The following ARID4B variants were observed in gnomAD, a reference collection of about 807,000 sequenced individuals.
ARID4B encodes AT-rich interaction domain 4B, also known as AT-rich interactive domain-containing protein 4B.
In ARID4B, 26 loss-of-function variants were observed where a neutral mutation model predicts 147.5. That is an observed-to-expected ratio of 0.18 (90% CI 0.13 to 0.24). ARID4B has a LOEUF of 0.24. Among genes scored for constraint, ARID4B ranks in the 10% least tolerant of loss-of-function variants. The pLI is 1.00. For missense variants in ARID4B, 1,179 were observed against 1,511.5 expected (o/e 0.78, Z 3.65); for synonymous variants, 512 against 507.9 (o/e 1.01, Z -0.11).
chr1:235,215,540 C>T (rs866554374), intron 16 of ARID4B, among the ~76,000 whole-genome samples: 3 of 118,568 alleles, frequency 2.5e-5, no homozygotes, highest in Non-Finnish European at 3.8e-5. Context: ...ACCATGCACA[C>T]ATATATATGT....
chr1:235,255,273 C>CTATCTA (rs1669905018), intron 5 of ARID4B, among the ~76,000 whole-genome samples: 1 of 127,674 alleles, frequency 7.8e-6, no homozygotes, highest in African/African-American at 3.1e-5. Context: ...ATATATATCT[C>CTATCTA]TCTCTCTCTC....
chr1:235,216,948 A>C (rs1198564159), intron 16 of ARID4B, among the ~76,000 whole-genome samples: 2 of 152,118 alleles, frequency 1.3e-5, no homozygotes, highest in East Asian at 3.8e-4. Flanking sequence ...TCAAAATTCT[A>C]AATTTTTTGA....
intron 8 of ARID4B, among the ~76,000 whole-genome samples, chr1:235,239,610 CAG>C (rs1345213102): frequency 6.6e-6 from 1 of 152,022 alleles, no homozygotes; most frequent in Non-Finnish European, 1.5e-5. Flanking sequence ...TTACGAAAAA[CAG>C]AGAGATAAAA....
chr1:235,185,838 T>C (rs1216624504), intron 19 of ARID4B, among the ~76,000 whole-genome samples: 2 of 152,202 alleles, frequency 1.3e-5, no homozygotes, highest in African/African-American at 4.8e-5. Context: ...TTTGTGGTGA[T>C]TTTTTCATTC....
At chr1:235,185,179 A>G (rs1047400899) in intron 19 of ARID4B, among the ~76,000 whole-genome samples, 6 of 152,112 alleles carry the variant, frequency 3.9e-5, no homozygotes, top group Non-Finnish European at 7.4e-5. Flanking sequence ...ATCAACACCC[A>G]TATCTCCCCT....
At chr1:235,201,297 C>G (rs1043048574) in intron 17 of ARID4B, among the ~76,000 whole-genome samples, 2 of 151,916 alleles carry the variant, frequency 1.3e-5, no homozygotes, top group Admixed American at 6.6e-5. Flanking sequence ...TATTCATCCC[C>G]GAAAGTACAT....
chr1:235,198,587 T>C (rs1665660504), intron 17 of ARID4B, among the ~76,000 whole-genome samples: 1 of 152,212 alleles, frequency 6.6e-6, no homozygotes, highest in African/African-American at 2.4e-5. Context: ...GTAAATCCTA[T>C]ATGGTAATCA....
intron 2 of ARID4B, among the ~76,000 whole-genome samples, chr1:235,323,238 A>G (rs1358313824): frequency 6.6e-6 from 1 of 151,682 alleles, no homozygotes; most frequent in African/African-American, 2.4e-5. Flanking sequence ...CGGGGTTTTC[A>G]TCACTTTGGC....
chr1:235,277,549 A>T (rs7538118), intron 2 of ARID4B, among the ~76,000 whole-genome samples: 13,859 of 144,062 alleles, frequency 0.096, 1,061 homozygotes, highest in African/African-American at 0.19. Context: ...AAAAAAAAAA[A>T]AATAATAATA....
chr1:235,200,000 A>AG lies in ARID4B; in HGVS notation c.1842-3886dup, dbSNP rs547616178. Among the ~76,000 whole-genome samples the AG allele has an allele frequency of 2.9e-4, 41 of 142,348 alleles. 1 individual carries two copies. The South Asian group carries it at 7.5e-3, about 26-fold the overall frequency. The allele number at this position is 142,348 out of a possible 152,430, so 93.4% of individuals were successfully genotyped here. A position where few individuals can be genotyped will look rare whatever the true frequency, so the allele number is the denominator to read the frequency against. Reference sequence around the variant, plus strand: ...TCTCTACAGGATATTTTCAAAGAATAGGGAAAAAAAAAAAAAAAAGCAAAT... The same window carrying AG: ...TCTCTACAGGATATTTTCAAAGAATAGGGGAAAAAAAAAAAAAAAAGCAAAT... On this transcript the variant is annotated intron_variant, in intron 17 of 23. Coordinates refer to ENST00000264183, the MANE Select transcript of ARID4B (RefSeq NM_016374.6).
At chr1:235,275,358 G>C (rs1671252909) in intron 2 of ARID4B, among the ~76,000 whole-genome samples, 1 of 152,230 alleles carries the variant, frequency 6.6e-6, no homozygotes, top group Non-Finnish European at 1.5e-5. Flanking sequence ...GAGAAAGGAT[G>C]TGATGCAGCC....
intron 22 of ARID4B, 141 bp downstream of exon 22, chr1:235,175,043 A>G (rs1004778399): frequency 1.4e-6 from 1 of 716,840 alleles, no homozygotes; most frequent in East Asian, 2.7e-5. Flanking sequence ...GAGGCTGAAG[A>G]TTACAGTGAG....
At chr1:235,278,480 T>C (rs1407602095) in intron 2 of ARID4B, among the ~76,000 whole-genome samples, 1 of 152,120 alleles carries the variant, frequency 6.6e-6, no homozygotes, top group Admixed American at 6.5e-5. Context: ...AGCATTTCCC[T>C]TGCCAATCCA....
chr1:235,260,849 A>G lies in ARID4B; in HGVS notation c.7-97T>C, dbSNP rs1027014335. 113 of 765,972 alleles carry G rather than the reference A, an allele frequency of 1.5e-4. 3 individuals carry two copies. The highest frequency in any genetic ancestry group is 1.2e-3 in the South Asian group (64 of 55,334). 47.4% of individuals were successfully genotyped at this position (765,972 alleles called of 1,614,324 possible). A position where few individuals can be genotyped will look rare whatever the true frequency, so the allele number is the denominator to read the frequency against. ...GAGCCTAATCTTGTTAAGCTACAAC[A>G]GTTATAAATATGAAATGTATGTTAA... On this transcript the variant is annotated intron_variant, in intron 2 of 23. Coordinates refer to ENST00000264183, the MANE Select transcript of ARID4B (RefSeq NM_016374.6).
At chr1:235,232,258 A>T (rs1668284913) in intron 9 of ARID4B, among the ~76,000 whole-genome samples, 1 of 151,888 alleles carries the variant, frequency 6.6e-6, no homozygotes, top group African/African-American at 2.4e-5. Flanking sequence ...CATCTCTATT[A>T]AAAATATAAA....
intron 2 of ARID4B, among the ~76,000 whole-genome samples, chr1:235,282,075 A>G (rs1671702375): frequency 6.6e-6 from 1 of 152,212 alleles, no homozygotes; most frequent in South Asian, 2.1e-4. Flanking sequence ...AAATACTAGA[A>G]TATAGTGGCA....
At chr1:235,171,616 T>G (rs1348414136) in intron 23 of ARID4B, among the ~76,000 whole-genome samples, 1 of 151,862 alleles carries the variant, frequency 6.6e-6, no homozygotes, top group African/African-American at 2.4e-5. Flanking sequence ...TTACAAAACA[T>G]TGTTTAGAAG....
In ARID4B at chr1:235,182,314, T is replaced by TTTC; in HGVS notation, c.2602_2604dup (p.Glu868dup). 1 of 1,614,042 alleles carries TTTC rather than the reference T, an allele frequency of 6.2e-7. No homozygotes were observed. Among genetic ancestry groups the TTTC allele is most frequent in the Non-Finnish European group, 8.5e-7 (1 of 1,180,024 alleles). On this transcript the variant is annotated inframe_insertion, in exon 20 of 24. Coordinates refer to ENST00000264183, the MANE Select transcript of ARID4B (RefSeq NM_016374.6). Reference sequence around the variant, plus strand: ...TTAGTTGGTGTCATCTTTGCTTTTGTTTCTTCTTCATCTTCATCTGAAGAG... The same window carrying TTTC: ...TTAGTTGGTGTCATCTTTGCTTTTGTTTCTTCTTCTTCATCTTCATCTGAAGAG...
At chr1:235,293,427 C>A (rs770594424) in intron 2 of ARID4B, among the ~76,000 whole-genome samples, 1 of 152,170 alleles carries the variant, frequency 6.6e-6, no homozygotes, top group African/African-American at 2.4e-5. Context: ...TAGAGACCAT[C>A]ACTATTAACT....
Sources: gnomAD v4.1 joint callset for allele counts (sites outside exome capture counted in the v4.1 genomes callset) on GRCh38, gnomAD v4.1.1 for gene constraint, MANE v1.5 for transcripts, NCBI Gene and HGNC (gene_info 2026-07-23, HGNC 2026-07-21) for gene names.